Variants in ROR1 observed in about 807,000 individuals in gnomAD.
ROR1 encodes the protein inactive tyrosine-protein kinase transmembrane receptor ROR1.
A neutral mutation model predicts 78.8 loss-of-function variants in ROR1; 19 were observed. That is an observed-to-expected ratio of 0.24 (90% CI 0.17 to 0.35). ROR1 has a LOEUF of 0.35. Ranked by LOEUF, ROR1 falls within the 10% of genes least tolerant of loss-of-function variation. The pLI is 1.00. For synonymous variants in ROR1, 386 were observed against 433.6 expected (o/e 0.89, Z 1.36); for missense variants, 917 against 1,177.8 (o/e 0.78, Z 3.24).
intron 1 of ROR1, among the ~76,000 whole-genome samples, chr1:63,992,995 T>C (rs1312917933): frequency 2.6e-5 from 4 of 152,182 alleles, no homozygotes; most frequent in Non-Finnish European, 5.9e-5. Context: ...AAATATTAGA[T>C]ACCTAATAAG....
intron 1 of ROR1, among the ~76,000 whole-genome samples, chr1:63,905,983 C>A (rs1001916481): frequency 1.3e-5 from 2 of 152,058 alleles, no homozygotes; most frequent in African/African-American, 4.8e-5. Context: ...TGATAATTAG[C>A]TAAATGTAAT....
intron 1 of ROR1, among the ~76,000 whole-genome samples, chr1:63,844,284 A>G (rs1645067113): frequency 1.3e-5 from 2 of 152,070 alleles, no homozygotes. Flanking sequence ...CCTTTTCACC[A>G]TGGTTAGTGC....
At chr1:63,857,587 C>A (rs942837443) in intron 1 of ROR1, among the ~76,000 whole-genome samples, 10 of 152,128 alleles carry the variant, frequency 6.6e-5, no homozygotes, top group Non-Finnish European at 1.3e-4. Flanking sequence ...CCTCATGGTT[C>A]CCCAGGCATG....
At position 64,179,024 on chromosome 1, in the gene ROR1, GAAAA is replaced by G. The variant is rs10709706; in HGVS notation, c.*188_*191del. 382 of 157,304 alleles carry G rather than the reference GAAAA, an allele frequency of 2.4e-3. No individual in the cohort carries two copies. Among genetic ancestry groups the G allele is most frequent in the East Asian group, 6.9e-3 (37 of 5,386 alleles). 9.7% of individuals were successfully genotyped at this position (157,304 alleles called of 1,614,324 possible). ...ACCAAGCAGGACAGACACTCGGCCA[GAAAA>G]AAAAAAAAAAAAAAAAAACAAGCAA... On this transcript the variant is annotated 3_prime_UTR_variant, in exon 9 of 9. Transcript: ENST00000371079.
chr1:64,049,755 A>G lies in ROR1; in HGVS notation c.228A>G (p.Glu76=). 6.2e-7 allele frequency: 1 copy of G among 1,614,126 alleles called. No homozygotes were observed. The highest frequency in any genetic ancestry group is 1.1e-5 in the South Asian group (1 of 91,062). Residue 76 remains glutamate, a synonymous_variant, in exon 3 of 9, where the codon GAA becomes GAG. Coordinates refer to ENST00000371079, the MANE Select transcript of ROR1 (RefSeq NM_005012.4). ...NITTSLGQTA[E]LHCKVSGNPP... Reference sequence around the variant, plus strand: ...CCACGTCTCTGGGCCAGACAGCAGAACTGCACTGCAAAGTCTCTGGGAATC... The same window carrying G: ...CCACGTCTCTGGGCCAGACAGCAGAGCTGCACTGCAAAGTCTCTGGGAATC...
At chr1:63,871,138 A>G (rs1259710919) in intron 1 of ROR1, among the ~76,000 whole-genome samples, 2 of 152,196 alleles carry the variant, frequency 1.3e-5, no homozygotes, top group African/African-American at 4.8e-5. Context: ...GCTTCACATT[A>G]TAATTTTATT....
intron 1 of ROR1, among the ~76,000 whole-genome samples, chr1:63,906,699 C>T (rs1381284468): frequency 2.0e-5 from 3 of 152,180 alleles, no homozygotes; most frequent in Admixed American, 6.5e-5. Context: ...AGTTCCCTCT[C>T]TTGGGGTAAT....
intron 1 of ROR1, among the ~76,000 whole-genome samples, chr1:63,965,985 G>A (rs570684543): frequency 1.3e-5 from 2 of 152,284 alleles, no homozygotes; most frequent in South Asian, 2.1e-4. Flanking sequence ...TTTAAAGTGG[G>A]GATAGGACTG....
rs150833082 is a variant in ROR1, at chr1:63,783,229, G to A, written c.91+8721G>A. 1.2e-3 allele frequency among the ~76,000 whole-genome samples: 180 copies of A among 152,282 alleles called. 1 individual carries two copies. Among genetic ancestry groups the A allele is most frequent in the African/African-American group, 4.3e-3 (179 of 41,566 alleles). On this transcript the variant is annotated intron_variant, in intron 1 of 8. Transcript: ENST00000371079. ...AGGGTGGAGGAGGAGAGAGAAGGAAGCAGTTTCACTGGGAGCCTGAAGACT... is the reference window on the plus strand; with the variant it reads ...AGGGTGGAGGAGGAGAGAGAAGGAAACAGTTTCACTGGGAGCCTGAAGACT...
chr1:63,945,436 G>A (rs1396031318), intron 1 of ROR1, among the ~76,000 whole-genome samples: 1 of 152,154 alleles, frequency 6.6e-6, no homozygotes, highest in Non-Finnish European at 1.5e-5. Context: ...GCAGAGCCAT[G>A]GAATTGATTT....
chr1:63,796,252 C>T (rs1237800306), intron 1 of ROR1, among the ~76,000 whole-genome samples: 4 of 152,192 alleles, frequency 2.6e-5, no homozygotes, highest in Non-Finnish European at 5.9e-5. Flanking sequence ...AGCCCTACCT[C>T]TAACTAGCTG....
intron 4 of ROR1, among the ~76,000 whole-genome samples, chr1:64,126,977 C>G (rs1191330949): frequency 6.6e-6 from 1 of 152,140 alleles, no homozygotes; most frequent in African/African-American, 2.4e-5. Context: ...TACAAATTCT[C>G]TCCCTTCTGC....
At chr1:64,016,748 T>TATATATATATATATATAA (rs1204103498) in intron 2 of ROR1, among the ~76,000 whole-genome samples, 1 of 149,126 alleles carries the variant, frequency 6.7e-6, no homozygotes, top group Non-Finnish European at 1.5e-5. Context: ...TATATATATA[T>TATATATATATATATATAA]AAAGATTTTA....
intron 1 of ROR1, among the ~76,000 whole-genome samples, chr1:63,920,612 T>C (rs1645646687): frequency 6.6e-6 from 1 of 152,166 alleles, no homozygotes; most frequent in Admixed American, 6.6e-5. Context: ...GATACAGATA[T>C]GAGGAAGTGC....
rs192084457 is a variant in ROR1 at position 64,125,776 on chromosome 1, G to A, written c.483-11593G>A. ...TGTATTCAAATGAGGGCTTGCTAAAGGCTGAAGGTGTTGGAATCTGTAGGA... is the reference window on the plus strand; with the variant it reads ...TGTATTCAAATGAGGGCTTGCTAAAAGCTGAAGGTGTTGGAATCTGTAGGA... On this transcript the variant is annotated intron_variant, in intron 4 of 8. Coordinates refer to ENST00000371079, the MANE Select transcript of ROR1 (RefSeq NM_005012.4). 2.3e-3 allele frequency among the ~76,000 whole-genome samples: 348 copies of A among 152,304 alleles called. 1 individual carries two copies. Among genetic ancestry groups the A allele is most frequent in the African/African-American group, 8.0e-3 (334 of 41,560 alleles).
chr1:64,039,727 T>C (rs1646731453), intron 2 of ROR1, among the ~76,000 whole-genome samples: 1 of 152,186 alleles, frequency 6.6e-6, no homozygotes, highest in Non-Finnish European at 1.5e-5. Flanking sequence ...TTATGATGTG[T>C]TCTGTTTGTG....
chr1:64,125,600 T>C (rs553055059), intron 4 of ROR1, among the ~76,000 whole-genome samples: 16 of 152,268 alleles, frequency 1.1e-4, no homozygotes, highest in African/African-American at 3.1e-4. Flanking sequence ...TTTTCATTTC[T>C]GGTTAATCAG....
At chr1:64,144,235 C>T (rs530285910) in intron 7 of ROR1, among the ~76,000 whole-genome samples, 2 of 152,210 alleles carry the variant, frequency 1.3e-5, no homozygotes, top group African/African-American at 4.8e-5. Flanking sequence ...TTAGTGGGAG[C>T]TGGAATCAAG....
At chr1:63,861,686 G>A (rs1413536290) in intron 1 of ROR1, among the ~76,000 whole-genome samples, 1 of 152,286 alleles carries the variant, frequency 6.6e-6, no homozygotes, top group East Asian at 1.9e-4. Flanking sequence ...CCTTGCTGTT[G>A]GAAACATAGG....
Sources: gnomAD v4.1 joint callset for allele counts (sites outside exome capture counted in the v4.1 genomes callset) on GRCh38, gnomAD v4.1.1 for gene constraint, MANE v1.5 for transcripts, NCBI Gene and HGNC (gene_info 2026-07-23, HGNC 2026-07-21) for gene names.